SLC17A1: variants seen among roughly 807,000 people sequenced by gnomAD.
SLC17A1 encodes the protein sodium-dependent phosphate transport protein 1.
A neutral mutation model predicts 53.5 loss-of-function variants in SLC17A1; 51 were observed. That is an observed-to-expected ratio of 0.95 (90% CI 0.76 to 1.20). The LOEUF (loss-of-function observed/expected upper bound fraction) is 1.20, where lower values mean the gene tolerates loss of function less well. Among genes scored for constraint, SLC17A1 ranks in the 50% most tolerant of loss-of-function variants. SLC17A1 has a pLI of 0.00. For synonymous variants in SLC17A1, 179 were observed against 198.8 expected (o/e 0.90, Z 0.84); for missense variants, 538 against 568.2 (o/e 0.95, Z 0.54).
At chr6:25,801,986 T>A (rs1763791874) in intron 10 of SLC17A1, among the ~76,000 whole-genome samples, 1 of 152,206 alleles carries the variant, frequency 6.6e-6, no homozygotes, top group Non-Finnish European at 1.5e-5. Context: ...GAATGGAAAC[T>A]ATTAATTGTC....
At chr6:25,769,527 C>A in the SLC17A1 span, among the ~76,000 whole-genome samples, 1 of 150,090 alleles carries the variant, frequency 6.7e-6, no homozygotes, top group Non-Finnish European at 1.5e-5. Context: ...CACTGCACTC[C>A]GGTCTGGGTG....
rs35529293 is a variant in SLC17A1, at chr6:25,803,982, C to T, written c.1179-3002G>A. ...TGTGCTGATATTGAAATTCAACTGT[C>T]TAACTCTAGAATCTGTGCTTCTAAT... On this transcript the variant is annotated intron_variant, in intron 10 of 12. Coordinates refer to ENST00000244527, the MANE Select transcript of SLC17A1 (RefSeq NM_005074.5). 1.4e-3 allele frequency among the ~76,000 whole-genome samples: 212 copies of T among 152,230 alleles called. 1 individual carries two copies. Among genetic ancestry groups the T allele is most frequent in the Non-Finnish European group, 2.4e-3 (160 of 67,978 alleles).
At chr6:25,777,904 G>T in the SLC17A1 span, 1 of 1,592,586 alleles carries the variant, frequency 6.3e-7, no homozygotes, top group Non-Finnish European at 8.6e-7. Flanking sequence ...GGTTATAATA[G>T]AGTACCATCT....
rs755195692 is a variant in SLC17A1, at chr6:25,793,530, G to A, written c.*2+5253C>T. On this transcript the variant is annotated intron_variant, in intron 12 of 12. Coordinates refer to ENST00000244527, the MANE Select transcript of SLC17A1 (RefSeq NM_005074.5). ...TATTTCATGTTCTTTTTAGTATATC[G>A]GTGCCTGGAATTATCCTGTTTAAAT... Among the ~76,000 whole-genome samples the A allele has an allele frequency of 5.3e-5, 8 of 151,942 alleles. No homozygotes were observed. The East Asian group carries it at 7.7e-4, about 15-fold the overall frequency.
the SLC17A1 span, among the ~76,000 whole-genome samples, chr6:25,739,371 A>G: frequency 2.8e-5 from 4 of 140,802 alleles, no homozygotes; most frequent in Non-Finnish European, 6.3e-5. Context: ...CCACCTCCTA[A>G]TACCATCACA....
the SLC17A1 span, among the ~76,000 whole-genome samples, chr6:25,730,379 G>A: frequency 6.6e-6 from 1 of 152,206 alleles, no homozygotes; most frequent in Non-Finnish European, 1.5e-5. Context: ...TGAACCTGGA[G>A]GATGTTAAGT....
the SLC17A1 span, among the ~76,000 whole-genome samples, chr6:25,753,165 A>G: frequency 6.6e-6 from 1 of 152,176 alleles, no homozygotes; most frequent in Non-Finnish European, 1.5e-5. Context: ...TTCTAACAAC[A>G]TTGGTAAAAC....
the SLC17A1 span, among the ~76,000 whole-genome samples, chr6:25,750,444 A>T: frequency 6.6e-6 from 1 of 152,240 alleles, no homozygotes; most frequent in Non-Finnish European, 1.5e-5. Flanking sequence ...AGACTTACTG[A>T]GTTGAAAGAT....
intron 3 of SLC17A1, among the ~76,000 whole-genome samples, chr6:25,823,481 T>C (rs1764635908): frequency 6.6e-6 from 1 of 152,148 alleles, no homozygotes; most frequent in Non-Finnish European, 1.5e-5. Context: ...ACACACTTTA[T>C]ATTTGCAATC....
intron 12 of SLC17A1, among the ~76,000 whole-genome samples, chr6:25,784,719 G>T (rs1314164935): frequency 2.0e-5 from 3 of 152,238 alleles, no homozygotes; most frequent in Non-Finnish European, 2.9e-5. Flanking sequence ...GTCATAAAAA[G>T]CCATATGGCT....
At chr6:25,828,402 T>C (rs1246055348) in intron 2 of SLC17A1, among the ~76,000 whole-genome samples, 1 of 152,126 alleles carries the variant, frequency 6.6e-6, no homozygotes, top group Non-Finnish European at 1.5e-5. Flanking sequence ...AATTTTTTAT[T>C]GCAAATAAAT....
rs1277986819 is a variant in SLC17A1 at position 25,819,164 on chromosome 6, A to G, written c.530-10T>C. 5 of 1,579,604 alleles carry G rather than the reference A, an allele frequency of 3.2e-6. No homozygotes were observed. The highest frequency in any genetic ancestry group is 4.3e-6 in the Non-Finnish European group (5 of 1,161,580). ...GGTCCCAGCAAAAACCCTAATCAGT[A>G]GGTACAAAGAACACCCCTAATTAAT... is the stretch of plus-strand genomic sequence containing the variant. On this transcript the variant is annotated splice_polypyrimidine_tract_variant and intron_variant, in intron 5 of 12. Transcript: ENST00000244527.
the SLC17A1 span, among the ~76,000 whole-genome samples, chr6:25,752,786 A>G: frequency 5.9e-5 from 9 of 152,052 alleles, no homozygotes; most frequent in Non-Finnish European, 1.3e-4. Context: ...CCCCGTCTCT[A>G]CTAAAAATAC....
chr6:25,808,756 T>C (rs895432644), intron 10 of SLC17A1, among the ~76,000 whole-genome samples: 1 of 151,978 alleles, frequency 6.6e-6, no homozygotes, highest in South Asian at 2.1e-4. Flanking sequence ...AACCAACAGA[T>C]GTTGATGAGG....
At chr6:25,741,223 T>C in the SLC17A1 span, among the ~76,000 whole-genome samples, 285 of 152,296 alleles carry the variant, frequency 1.9e-3, 2 homozygotes, top group Non-Finnish European at 2.4e-3. Flanking sequence ...CTAATTACCC[T>C]GATTTAATGA....
At chr6:25,784,486 A>G (rs1763336478) in intron 12 of SLC17A1, among the ~76,000 whole-genome samples, 1 of 152,024 alleles carries the variant, frequency 6.6e-6, no homozygotes, top group South Asian at 2.1e-4. Flanking sequence ...AGAGAGAGAG[A>G]TGGGAGGTAC....
At chr6:25,728,952 T>TG in the SLC17A1 span, among the ~76,000 whole-genome samples, 2 of 152,076 alleles carry the variant, frequency 1.3e-5, no homozygotes, top group African/African-American at 4.8e-5. Flanking sequence ...GGTGACAAAT[T>TG]GGGGGGAAGG....
the SLC17A1 span, among the ~76,000 whole-genome samples, chr6:25,765,207 A>T: frequency 6.6e-6 from 1 of 152,250 alleles, no homozygotes; most frequent in Non-Finnish European, 1.5e-5. Flanking sequence ...TAAAAAAAGA[A>T]ATTGACAGGT....
intron 11 of SLC17A1, among the ~76,000 whole-genome samples, chr6:25,799,968 G>C (rs1763705749): frequency 6.6e-6 from 1 of 152,154 alleles, no homozygotes; most frequent in Non-Finnish European, 1.5e-5. Flanking sequence ...GGTGGTGGAA[G>C]ACTCCTCTTT....
Sources: allele counts gnomAD v4.1 joint callset (sites outside exome capture counted in the v4.1 genomes callset), GRCh38; gene constraint gnomAD v4.1.1; transcripts MANE v1.5; gene names NCBI Gene and HGNC (gene_info 2026-07-23, HGNC 2026-07-21).